CTNNA2: variants seen among roughly 807,000 people sequenced by gnomAD.
CTNNA2 encodes the protein catenin alpha 2, also known as catenin alpha-2.
A neutral mutation model predicts 101.0 loss-of-function variants in CTNNA2; 42 were observed. The observed-to-expected ratio is 0.42, with a 90% CI of 0.32 to 0.54. CTNNA2 has a LOEUF of 0.54. CTNNA2 is among the 20% of genes least tolerant of loss of function. The pLI is 0.14. For synonymous variants in CTNNA2, 450 were observed against 456.4 expected (o/e 0.99, Z 0.18); for missense variants, 871 against 1,223.1 (o/e 0.71, Z 4.29).
chr2:80,063,377 C>T (rs1401317569), intron 7 of CTNNA2, among the ~76,000 whole-genome samples: 1 of 152,140 alleles, frequency 6.6e-6, no homozygotes, highest in African/African-American at 2.4e-5. Context: ...GTTTTCCTAT[C>T]TTCACTGTTC....
chr2:80,232,337 G>GTTTGTT (rs1553473425), intron 7 of CTNNA2, among the ~76,000 whole-genome samples: 9 of 45,048 alleles, frequency 2.0e-4, no homozygotes, highest in African/African-American at 1.4e-3. Flanking sequence ...TTGTTTGTTT[G>GTTTGTT]TTTGTTTGTT....
intron 3 of CTNNA2, among the ~76,000 whole-genome samples, chr2:79,357,877 G>A (rs12713984): frequency 0.29 from 44,788 of 151,934 alleles, 6,758 homozygotes; most frequent in Middle Eastern, 0.43. Context: ...AAGCGAAGAA[G>A]GTGCTGTAAA....
chr2:79,719,134 C>T (rs1686309342), intron 2 of CTNNA2, among the ~76,000 whole-genome samples: 1 of 152,104 alleles, frequency 6.6e-6, no homozygotes, highest in Admixed American at 6.5e-5. Flanking sequence ...TAAGTGAGAA[C>T]ATGCAGTATT....
intron 3 of CTNNA2, among the ~76,000 whole-genome samples, chr2:79,326,489 C>G (rs1676750892): frequency 6.6e-6 from 1 of 152,036 alleles, no homozygotes; most frequent in African/African-American, 2.4e-5. Flanking sequence ...TATTTTCTTT[C>G]TCCTTTAAAT....
intron 4 of CTNNA2, among the ~76,000 whole-genome samples, chr2:79,430,193 C>T (rs771467156): frequency 2.6e-5 from 4 of 152,036 alleles, no homozygotes; most frequent in Non-Finnish European, 5.9e-5. Context: ...GAGTGATGAT[C>T]ATTTGAACTA....
At chr2:79,406,358 C>G (rs988383818) in intron 4 of CTNNA2, among the ~76,000 whole-genome samples, 1 of 152,028 alleles carries the variant, frequency 6.6e-6, no homozygotes, top group Non-Finnish European at 1.5e-5. Flanking sequence ...ACATGCAGGG[C>G]AACTTGGTTT....
At position 79,333,618 on chromosome 2, in the gene CTNNA2, T is replaced by C. The variant is rs547233945; in HGVS notation, c.-318+20822T>C. ...AAATGATGATATAGTCAAAGACCCA[T>C]AATATTTTTCCTAAATATCTTAACA... is the stretch of plus-strand genomic sequence containing the variant. On this transcript the variant is annotated intron_variant, in intron 3 of 21. Coordinates refer to the CTNNA2 transcript ENST00000466387. Among the ~76,000 whole-genome samples the C allele has an allele frequency of 2.9e-3, 445 of 152,246 alleles. 1 individual carries two copies. The highest frequency in any genetic ancestry group is 1.0e-2 in the African/African-American group (415 of 41,566).
intron 7 of CTNNA2, among the ~76,000 whole-genome samples, chr2:80,380,029 T>G (rs1232098828): frequency 1.7e-5 from 1 of 59,756 alleles, no homozygotes; most frequent in Non-Finnish European, 2.8e-5. Flanking sequence ...CGAGATGTAC[T>G]TTTTTTTTTT....
intron 3 of CTNNA2, among the ~76,000 whole-genome samples, chr2:79,829,422 A>C (rs186066468): frequency 0.015 from 1,835 of 123,840 alleles, 54 homozygotes; most frequent in African/African-American, 0.054. Flanking sequence ...CACAGACACA[A>C]AGCCGGGCGA....
At chr2:80,361,507 T>G (rs989784019) in intron 7 of CTNNA2, among the ~76,000 whole-genome samples, 39 of 152,124 alleles carry the variant, frequency 2.6e-4, no homozygotes, top group African/African-American at 8.7e-4. Flanking sequence ...TGTAGTTTCT[T>G]GAATGGCTTA....
intron 2 of CTNNA2, among the ~76,000 whole-genome samples, chr2:79,272,147 G>C (rs1425811176): frequency 6.6e-6 from 1 of 151,938 alleles, no homozygotes; most frequent in Non-Finnish European, 1.5e-5. Context: ...TATAAAGTTG[G>C]TGATATTATC....
At chr2:79,667,763 G>A (rs558123543) in intron 2 of CTNNA2, among the ~76,000 whole-genome samples, 2 of 152,298 alleles carry the variant, frequency 1.3e-5, no homozygotes, top group South Asian at 4.1e-4. Flanking sequence ...CTAGCATACT[G>A]AGTGGTTACT....
intron 7 of CTNNA2, among the ~76,000 whole-genome samples, chr2:80,373,002 G>A (rs1675595937): frequency 6.6e-6 from 1 of 152,180 alleles, no homozygotes; most frequent in Non-Finnish European, 1.5e-5. Flanking sequence ...TGTCAATAGT[G>A]CTGACATTTA....
At chr2:80,367,442 G>A (rs1292360097) in intron 7 of CTNNA2, among the ~76,000 whole-genome samples, 1 of 152,008 alleles carries the variant, frequency 6.6e-6, no homozygotes, top group Non-Finnish European at 1.5e-5. Context: ...ACGAATATAA[G>A]TCTCCTGGCC....
At chr2:79,445,722 A>T (rs1288437302) in intron 4 of CTNNA2, among the ~76,000 whole-genome samples, 1 of 152,124 alleles carries the variant, frequency 6.6e-6, no homozygotes, top group Non-Finnish European at 1.5e-5. Context: ...AGCCTTGCCC[A>T]TGATTGTACC....
chr2:80,354,632 C>T (rs550998351), intron 7 of CTNNA2, among the ~76,000 whole-genome samples: 1 of 151,968 alleles, frequency 6.6e-6, no homozygotes, highest in African/African-American at 2.4e-5. Flanking sequence ...ATAGCATTTC[C>T]GTAATTTAAA....
At chr2:79,565,300 C>A (rs1037720040) in intron 1 of CTNNA2, among the ~76,000 whole-genome samples, 3 of 151,880 alleles carry the variant, frequency 2.0e-5, no homozygotes, top group African/African-American at 7.3e-5. Flanking sequence ...GTCCTCCTAG[C>A]TGGTTTCCCA....
At chr2:80,408,295 C>T (rs1199556918) in intron 8 of CTNNA2, among the ~76,000 whole-genome samples, 2 of 152,158 alleles carry the variant, frequency 1.3e-5, no homozygotes, top group African/African-American at 2.4e-5. Flanking sequence ...GGTACCAATC[C>T]TACCACACCG....
chr2:79,810,319 G>A (rs536802227), intron 3 of CTNNA2, among the ~76,000 whole-genome samples: 3 of 152,094 alleles, frequency 2.0e-5, no homozygotes, highest in South Asian at 2.1e-4. Context: ...AGAGCCAAGC[G>A]AAAGAGAAAC....
Sources: gnomAD v4.1 joint callset for allele counts (sites outside exome capture counted in the v4.1 genomes callset) on GRCh38, gnomAD v4.1.1 for gene constraint, MANE v1.5 for transcripts, NCBI Gene and HGNC (gene_info 2026-07-23, HGNC 2026-07-21) for gene names.